The following RIPOR2 variants were observed in gnomAD, a reference collection of about 807,000 sequenced individuals.
RIPOR2 encodes RHO family interacting cell polarization regulator 2, also known as rho family-interacting cell polarization regulator 2.
A neutral mutation model predicts 114.5 loss-of-function variants in RIPOR2; 39 were observed. The ratio of observed to expected loss-of-function variants is 0.34; its 90% CI spans 0.26 to 0.44. The LOEUF (loss-of-function observed/expected upper bound fraction) is 0.44, where lower values mean the gene tolerates loss of function less well. Ranked by LOEUF, RIPOR2 falls within the 20% of genes least tolerant of loss-of-function variation. The pLI, the probability that RIPOR2 is intolerant of heterozygous loss-of-function variation, is 1.00. For synonymous variants in RIPOR2, 445 were observed against 484.4 expected (o/e 0.92, Z 1.07); for missense variants, 1,007 against 1,255.1 (o/e 0.80, Z 2.99).
chr6:24,974,849 T>A (rs1487799450), intron 1 of RIPOR2, among the ~76,000 whole-genome samples: 2 of 152,198 alleles, frequency 1.3e-5, no homozygotes, highest in African/African-American at 4.8e-5. Context: ...ACAGCATAGA[T>A]GAACCATTAA....
At chr6:24,853,764 G>T (rs758202757) in intron 8 of RIPOR2, among the ~76,000 whole-genome samples, 2 of 152,176 alleles carry the variant, frequency 1.3e-5, no homozygotes, top group Non-Finnish European at 2.9e-5. Context: ...CCAAGAGTGG[G>T]ATAATACTAT....
At chr6:24,820,869 C>CCTT (rs1554201154) in intron 19 of RIPOR2, among the ~76,000 whole-genome samples, 3 of 84,064 alleles carry the variant, frequency 3.6e-5, no homozygotes, top group African/African-American at 1.4e-4. Flanking sequence ...GTTTAACACT[C>CCTT]TTTTTTTTTT....
intron 14 of RIPOR2, among the ~76,000 whole-genome samples, chr6:24,837,175 T>A (rs932491004): frequency 6.6e-6 from 1 of 152,154 alleles, no homozygotes; most frequent in Middle Eastern, 3.2e-3. Flanking sequence ...CAGGTTGGAG[T>A]GCAGTGGCTC....
intron 1 of RIPOR2, among the ~76,000 whole-genome samples, chr6:24,919,179 C>G (rs1382202885): frequency 6.6e-6 from 1 of 152,226 alleles, no homozygotes; most frequent in Non-Finnish European, 1.5e-5. Flanking sequence ...ATCCACATCC[C>G]TGGCAGCTTT....
At chr6:24,980,236 C>G (rs1440480205) in intron 1 of RIPOR2, among the ~76,000 whole-genome samples, 1 of 152,204 alleles carries the variant, frequency 6.6e-6, no homozygotes, top group Non-Finnish European at 1.5e-5. Context: ...AAATTACTCT[C>G]CTTTCAGCTT....
intron 1 of RIPOR2, among the ~76,000 whole-genome samples, chr6:25,031,612 T>C (rs1042210105): frequency 6.8e-6 from 1 of 147,498 alleles, no homozygotes; most frequent in Non-Finnish European, 1.5e-5. Context: ...TACAGATGTC[T>C]GCAATTTATT....
At chr6:25,015,633 C>CT (rs1413027354) in intron 1 of RIPOR2, 2 of 152,144 alleles carry the variant, frequency 1.3e-5, no homozygotes, top group Admixed American at 6.5e-5. Context: ...CCTTTTCAAA[C>CT]CCTGTTTACT....
intron 13 of RIPOR2, chr6:24,840,165 G>T: frequency 2.3e-6 from 2 of 878,028 alleles, no homozygotes; most frequent in Non-Finnish European, 2.7e-6. Flanking sequence ...TGACCATACC[G>T]GTCTTGAACT....
chr6:24,832,430 T>C, intron 15 of RIPOR2, 39 bp from the exon 16 acceptor site: 2 of 1,546,192 alleles, frequency 1.3e-6, no homozygotes, highest in Non-Finnish European at 1.8e-6. Context: ...AATTATGTTG[T>C]TTTCAGTAGA....
At chr6:24,929,275 A>G (rs1024622948) in intron 1 of RIPOR2, 1 of 151,164 alleles carries the variant, frequency 6.6e-6, no homozygotes, top group African/African-American at 2.4e-5. Flanking sequence ...GATGGTTTTT[A>G]GCTTACATGA....
At chr6:24,966,605 T>A (rs1419409831) in intron 1 of RIPOR2, among the ~76,000 whole-genome samples, 1 of 152,190 alleles carries the variant, frequency 6.6e-6, no homozygotes, top group Non-Finnish European at 1.5e-5. Context: ...CAGGAGGTTT[T>A]CATTCCAACA....
intron 1 of RIPOR2, among the ~76,000 whole-genome samples, chr6:24,988,953 C>A (rs544867250): frequency 1.3e-5 from 2 of 152,310 alleles, no homozygotes; most frequent in East Asian, 3.9e-4. Flanking sequence ...TTGCCAATAT[C>A]TAATCCAGAT....
intron 1 of RIPOR2, among the ~76,000 whole-genome samples, chr6:25,034,998 G>GGCT (rs1430032871): frequency 2.6e-5 from 4 of 152,200 alleles, no homozygotes; most frequent in African/African-American, 9.7e-5. Flanking sequence ...TTCTACAGAA[G>GGCT]CAAGTATTCT....
At chr6:24,894,251 C>G (rs906575517) in intron 1 of RIPOR2, among the ~76,000 whole-genome samples, 1 of 152,232 alleles carries the variant, frequency 6.6e-6, no homozygotes, top group Non-Finnish European at 1.5e-5. Flanking sequence ...TTGGCACCTA[C>G]TCTACATGCT....
chr6:24,877,180 A>G (rs1028809617), intron 1 of RIPOR2: 4 of 985,482 alleles, frequency 4.1e-6, no homozygotes, highest in Non-Finnish European at 4.8e-6. Flanking sequence ...GACCAATTTC[A>G]CTAGACCTTC....
intron 6 of RIPOR2, among the ~76,000 whole-genome samples, chr6:24,866,311 A>T (rs547178816): frequency 6.6e-6 from 1 of 152,138 alleles, no homozygotes; most frequent in African/African-American, 2.4e-5. Flanking sequence ...TCAAATGACT[A>T]TTGATTTTAT....
At chr6:24,910,754 C>T in intron 1 of RIPOR2, 2 of 948,396 alleles carry the variant, frequency 2.1e-6, no homozygotes, top group Non-Finnish European at 2.5e-6. Flanking sequence ...CCTCCCCACA[C>T]AGACCTCACC....
intron 7 of RIPOR2, among the ~76,000 whole-genome samples, chr6:24,862,597 A>G (rs1030634307): frequency 2.0e-5 from 3 of 152,232 alleles, no homozygotes; most frequent in Admixed American, 6.5e-5. Flanking sequence ...GCGTAGCTTG[A>G]AAGCCTTGAA....
At position 24,883,936 on chromosome 6, in the gene RIPOR2, C is replaced by A. The variant is rs571067366; in HGVS notation, c.62-8119G>T. Among the ~76,000 whole-genome samples the A allele has an allele frequency of 1.9e-4, 29 of 152,278 alleles. No individual in the cohort carries two copies. In the South Asian group the frequency reaches 5.6e-3, roughly 29 times the overall value. On this transcript the variant is annotated intron_variant, in intron 1 of 21. Coordinates refer to ENST00000643898, the MANE Select transcript of RIPOR2 (RefSeq NM_001286445.3). The surrounding 1 kb of genome is among the most constrained non-coding windows in gnomAD (Gnocchi z 4.1). Reference sequence around the variant, plus strand: ...GTATAATTGACTTGTCTGAAAGAGGCATGTGGGCCAGATGTAAATAGCCTG... The same window carrying A: ...GTATAATTGACTTGTCTGAAAGAGGAATGTGGGCCAGATGTAAATAGCCTG...
Sources: gnomAD v4.1 joint callset for allele counts (sites outside exome capture counted in the v4.1 genomes callset) on GRCh38, gnomAD v4.1.1 for gene constraint, Gnocchi (gnomAD v3.1) non-coding constraint, MANE v1.5 for transcripts, NCBI Gene and HGNC (gene_info 2026-07-23, HGNC 2026-07-21) for gene names.